TANC1: variants seen among roughly 807,000 people sequenced by gnomAD.
TANC1 encodes the protein protein TANC1.
A neutral mutation model predicts 149.7 loss-of-function variants in TANC1; 77 were observed. That is an observed-to-expected ratio of 0.51 (90% CI 0.43 to 0.62). TANC1 has a LOEUF of 0.62. Ranked by LOEUF, TANC1 falls within the 20% of genes least tolerant of loss-of-function variation. The pLI is 0.00. For synonymous variants in TANC1, 854 were observed against 925.0 expected, an observed-to-expected ratio of 0.92 and a Z score of 1.39; for missense variants, 1,985 against 2,321.8, an observed-to-expected ratio of 0.85 and a Z score of 2.98.
In TANC1 at chr2:159,230,611, A is replaced by G; in HGVS notation, c.5185A>G (p.Lys1729Glu). 1.2e-6 allele frequency: 2 copies of G among 1,614,214 alleles called. No homozygotes were observed. The change falls in exon 27 of 27, where the codon AAG (lysine) becomes GAG (glutamate). Residue 1729 changes from lysine (K) to glutamate (E), a missense_variant. Lys to Glu is a moderately conservative substitution (Grantham distance 56, BLOSUM62 1). Transcript: ENST00000263635. The surrounding 1 kb of genome is among the most constrained non-coding windows in gnomAD (Gnocchi z 4.4). Reference sequence around the variant, plus strand: ...CACGCCGTTCATGGGCATCATGGATAAGACTGCGAGGTTCCAACAGCAGAG... The same window carrying G: ...CACGCCGTTCATGGGCATCATGGATGAGACTGCGAGGTTCCAACAGCAGAG... ...RNTPFMGIMD[K>E]TARFQQQSNP...
chr2:159,131,177 C>T (rs1051995163), intron 4 of TANC1, among the ~76,000 whole-genome samples: 4 of 152,096 alleles, frequency 2.6e-5, no homozygotes, highest in African/African-American at 7.2e-5. Flanking sequence ...TCTGGCCCAT[C>T]AGTCTGCATG....
intron 2 of TANC1, among the ~76,000 whole-genome samples, chr2:159,029,038 G>T (rs749522385): frequency 6.6e-6 from 1 of 152,142 alleles, no homozygotes; most frequent in African/African-American, 2.4e-5. Context: ...TTACAGGTGT[G>T]AGCCACAGTG....
At chr2:159,106,795 A>G (rs1390824332) in intron 4 of TANC1, among the ~76,000 whole-genome samples, 2 of 152,198 alleles carry the variant, frequency 1.3e-5, no homozygotes, top group Non-Finnish European at 2.9e-5. Context: ...GCTGAGTATG[A>G]GGTTTCCAAT....
intron 24 of TANC1, 33 bp downstream of exon 24, chr2:159,225,812 A>G (rs769044052): frequency 1.1e-5 from 16 of 1,521,136 alleles, no homozygotes; most frequent in East Asian, 2.3e-5. Flanking sequence ...TTGCCATTGA[A>G]ACTGCCTGGG....
intron 2 of TANC1, among the ~76,000 whole-genome samples, chr2:159,054,294 C>T (rs899276282): frequency 1.3e-5 from 2 of 152,102 alleles, no homozygotes; most frequent in East Asian, 1.9e-4. Flanking sequence ...CTTCCTCAGA[C>T]GGTGGTTGTG....
At chr2:159,205,198 G>A (rs1473536592) in intron 19 of TANC1, among the ~76,000 whole-genome samples, 1 of 152,120 alleles carries the variant, frequency 6.6e-6, no homozygotes, top group Non-Finnish European at 1.5e-5. Context: ...TGGCTCTTTT[G>A]GCTTCAGTCA....
intron 2 of TANC1, among the ~76,000 whole-genome samples, chr2:159,025,299 T>C (rs768699664): frequency 6.6e-6 from 1 of 151,462 alleles, no homozygotes; most frequent in Non-Finnish European, 1.5e-5. Flanking sequence ...TCTTTTCTTG[T>C]GGTAAGTGTA....
At chr2:159,217,277 G>A (rs1036666304) in intron 19 of TANC1, among the ~76,000 whole-genome samples, 1 of 152,214 alleles carries the variant, frequency 6.6e-6, no homozygotes, top group African/African-American at 2.4e-5. Flanking sequence ...GTTCAAGGAA[G>A]TGCAAGCAGC....
chr2:159,111,807 A>G (rs1057326726), intron 4 of TANC1, among the ~76,000 whole-genome samples: 8 of 152,204 alleles, frequency 5.3e-5, no homozygotes, highest in Non-Finnish European at 8.8e-5. Flanking sequence ...AGCGAGTATT[A>G]TGGAGGCTTC....
chr2:159,074,386 G>T (rs1195782022), intron 3 of TANC1, among the ~76,000 whole-genome samples: 1 of 152,108 alleles, frequency 6.6e-6, no homozygotes, highest in East Asian at 1.9e-4. Flanking sequence ...TCTGATGTGA[G>T]ACATGCATGG....
chr2:159,076,373 A>G (rs190956180), intron 3 of TANC1, among the ~76,000 whole-genome samples: 1 of 152,346 alleles, frequency 6.6e-6, no homozygotes, highest in East Asian at 1.9e-4. Flanking sequence ...ATTGGCTTAT[A>G]TTCAAGAATT....
At chr2:159,063,820 G>A (rs555224210) in intron 2 of TANC1, among the ~76,000 whole-genome samples, 11 of 152,280 alleles carry the variant, frequency 7.2e-5, no homozygotes, top group African/African-American at 2.6e-4. Context: ...ACCAGAGTCA[G>A]TGTCACCTAG....
intron 15 of TANC1, among the ~76,000 whole-genome samples, chr2:159,186,363 C>T (rs1451208562): frequency 2.6e-5 from 4 of 152,182 alleles, no homozygotes; most frequent in African/African-American, 9.7e-5. Context: ...CCTCAGCCTC[C>T]CAAGTAACTG....
intron 2 of TANC1, among the ~76,000 whole-genome samples, chr2:159,057,624 A>G (rs144873525): frequency 2.0e-4 from 31 of 152,314 alleles, no homozygotes; most frequent in Non-Finnish European, 4.1e-4. Flanking sequence ...TTTAGGTACA[A>G]TAATTCCCTT....
chr2:159,129,394 G>C (rs1049186676), intron 4 of TANC1, among the ~76,000 whole-genome samples: 1 of 152,242 alleles, frequency 6.6e-6, no homozygotes, highest in African/African-American at 2.4e-5. Flanking sequence ...ACTGGCCGCT[G>C]GGAAAGTCTA....
At chr2:159,160,635 C>T (rs1361972418) in intron 7 of TANC1, among the ~76,000 whole-genome samples, 4 of 152,148 alleles carry the variant, frequency 2.6e-5, no homozygotes, top group Admixed American at 1.3e-4. Context: ...ATGAGAGTGT[C>T]TGGGCTTCCA....
intron 19 of TANC1, among the ~76,000 whole-genome samples, chr2:159,214,720 C>T (rs2059237325): frequency 6.6e-6 from 1 of 152,182 alleles, no homozygotes; most frequent in African/African-American, 2.4e-5. Flanking sequence ...CTCTGGTGCT[C>T]AGATAAGGCC....
At chr2:159,052,808 A>C (rs114207184) in intron 2 of TANC1, among the ~76,000 whole-genome samples, 1 of 152,260 alleles carries the variant, frequency 6.6e-6, no homozygotes, top group Non-Finnish European at 1.5e-5. Flanking sequence ...TTGTGGAAAT[A>C]GTTTAAAATA....
chr2:159,204,430 T>G (rs1368472351), intron 19 of TANC1, among the ~76,000 whole-genome samples: 1 of 152,238 alleles, frequency 6.6e-6, no homozygotes, highest in Non-Finnish European at 1.5e-5. Flanking sequence ...GGCTGCTGGT[T>G]TGGATCTTTG....
Sources: allele counts gnomAD v4.1 joint callset (sites outside exome capture counted in the v4.1 genomes callset), GRCh38; gene constraint gnomAD v4.1.1; non-coding constraint Gnocchi (gnomAD v3.1); transcripts MANE v1.5; gene names NCBI Gene and HGNC (gene_info 2026-07-23, HGNC 2026-07-21).